Variants in BSG observed in about 807,000 individuals in gnomAD.
BSG encodes basigin (Ok blood group), also known as basigin.
Under a neutral mutation model 43.1 loss-of-function variants are expected in BSG, and 37 were observed. The ratio of observed to expected loss-of-function variants is 0.86; its 90% CI spans 0.66 to 1.13. BSG has a LOEUF of 1.13. BSG is among the 50% of genes most tolerant of loss of function. BSG has a pLI of 0.00. For synonymous variants in BSG, 309 were observed against 238.7 expected (o/e 1.29, Z -2.72); for missense variants, 599 against 554.2 (o/e 1.08, Z -0.81).
intron 3 of BSG, 24 bp downstream of exon 3, chr19:579,680 C>G: frequency 6.3e-7 from 1 of 1,585,034 alleles, no homozygotes; most frequent in East Asian, 2.2e-5. Context: ...CACGCCATGC[C>G]GCCACCTGCC....
upstream of BSG, chr19:572,340 G>GA: frequency 9.7e-7 from 1 of 1,026,858 alleles, no homozygotes; most frequent in Middle Eastern, 4.4e-4. Flanking sequence ...CAGGAAGGAA[G>GA]AAATGCGCAG....
rs566889863 is a variant in BSG, at chr19:580,373, T to C, written c.573-6T>C. On this transcript the variant is annotated splice_polypyrimidine_tract_variant and splice_region_variant and intron_variant, in intron 3 of 8. Coordinates refer to ENST00000333511, the MANE Select transcript of BSG (RefSeq NM_001728.4). ...TACGCGGCTCACCTGCCTGCTGTGG[T>C]TGCAGGGTGGACTCCGACGACCAGT... 2.4e-5 allele frequency: 39 copies of C among 1,610,122 alleles called. No individual in the cohort carries two copies. The East Asian group carries it at 8.5e-4, about 35-fold the overall frequency.
At chr19:573,250 C>T (rs1272995542) in intron 1 of BSG, among the ~76,000 whole-genome samples, 1 of 152,214 alleles carries the variant, frequency 6.6e-6, no homozygotes, top group Middle Eastern at 3.4e-3. Context: ...CTCCGCAGGA[C>T]CTGGGGAAAG....
chr19:576,893 G>A (rs770349423), intron 1 of BSG, among the ~76,000 whole-genome samples: 2 of 152,220 alleles, frequency 1.3e-5, no homozygotes, highest in African/African-American at 4.8e-5. Flanking sequence ...GCACTGCCAC[G>A]CAGCCTCGGA....
intron 2 of BSG, 105 bp downstream of exon 2, chr19:578,226 TC>T (rs1279983235): frequency 4.1e-6 from 5 of 1,205,538 alleles, no homozygotes; most frequent in Non-Finnish European, 5.6e-6. Flanking sequence ...CCCCTCTCCG[TC>T]CCGCTGTGCC....
intron 8 of BSG, 50 bp downstream of exon 8, chr19:582,632 C>A (rs558352034): frequency 3.2e-5 from 15 of 470,724 alleles, no homozygotes; most frequent in Admixed American, 1.2e-4. Flanking sequence ...GGTGGGTGGG[C>A]GGGAACTCCT....
chr19:572,555 C>T, upstream of BSG: 4 of 1,395,582 alleles, frequency 2.9e-6, no homozygotes, highest in Non-Finnish European at 9.4e-7. Flanking sequence ...GCCCGGTCCG[C>T]GCCTCCGCCG....
At chr19:571,760 A>T (rs1373304120), upstream of BSG, 13 of 637,892 alleles carry the variant, frequency 2.0e-5, no homozygotes, top group African/African-American at 3.6e-5. Context: ...AAAGGAAGGG[A>T]GCTTCTGTTC....
Position 578,270 on chromosome 19 carries a change from G to A in BSG, c.415+149G>A, listed in dbSNP as rs1020026569. ...GCCCACCGCCTGGACGGAGGGGCCC[G>A]GACCTGAAGGGGGTGGGCTCGCCGC... On this transcript the variant is annotated intron_variant, in intron 2 of 8. Coordinates refer to ENST00000333511, the MANE Select transcript of BSG (RefSeq NM_001728.4). 70 of 817,280 alleles carry A rather than the reference G, an allele frequency of 8.6e-5. No homozygotes were observed. The African/African-American group carries it at 9.1e-4, about 11-fold the overall frequency. 50.6% of individuals were successfully genotyped at this position (817,280 alleles called of 1,614,324 possible).
intron 1 of BSG, chr19:575,404 G>C (rs966197787): frequency 1.3e-5 from 2 of 152,178 alleles, no homozygotes; most frequent in African/African-American, 4.8e-5. Flanking sequence ...CCCAAGGTTG[G>C]CCGTCCGCGT....
At chr19:571,340 G>T, upstream of BSG, 1 of 597,872 alleles carries the variant, frequency 1.7e-6, no homozygotes, top group African/African-American at 1.9e-5. Flanking sequence ...CTTAGTCTGC[G>T]GTCCTCTTGC....
upstream of BSG, chr19:571,421 C>T: frequency 1.4e-6 from 1 of 721,250 alleles, no homozygotes; most frequent in Non-Finnish European, 2.5e-6. Context: ...TGTGTCGCCC[C>T]AATAGCGACT....
At chr19:582,477 C>CG in intron 7 of BSG, 37 bp from the exon 8 acceptor site, 1 of 1,603,048 alleles carries the variant, frequency 6.2e-7, no homozygotes, top group Middle Eastern at 1.7e-4. Flanking sequence ...GAGTGACTTG[C>CG]GGGGGACACC....
intron 1 of BSG, among the ~76,000 whole-genome samples, chr19:577,413 T>G (rs1485924673): frequency 6.6e-6 from 1 of 152,098 alleles, no homozygotes; most frequent in Non-Finnish European, 1.5e-5. Flanking sequence ...GGGGTCAGGG[T>G]ATCGGGCAGA....
chr19:575,167 G>C (rs894015192), intron 1 of BSG: 1 of 152,354 alleles, frequency 6.6e-6, no homozygotes, highest in African/African-American at 2.4e-5. Flanking sequence ...TGGCAGCGCC[G>C]CCGTGCAGCG....
At chr19:580,486 G>A (rs113650643) in intron 4 of BSG, 25 bp downstream of exon 4, 82 of 1,608,838 alleles carry the variant, frequency 5.1e-5, no homozygotes, top group Middle Eastern at 5.0e-4. Context: ...CAGGGGTACC[G>A]GGCACCACCG....
upstream of BSG, chr19:572,552 C>G: frequency 7.2e-7 from 1 of 1,387,330 alleles, no homozygotes; most frequent in East Asian, 3.1e-5. Flanking sequence ...CGCGCCCGGT[C>G]CGCGCCTCCG....
At chr19:580,217 C>A (rs539126301) in intron 3 of BSG, among the ~76,000 whole-genome samples, 162 bp from the exon 4 acceptor site, 1 of 152,302 alleles carries the variant, frequency 6.6e-6, no homozygotes, top group East Asian at 1.9e-4. Flanking sequence ...TGGCTCTGTC[C>A]TTGGGGCCGC....
At chr19:579,103 T>C in intron 2 of BSG, 1 of 463,452 alleles carries the variant, frequency 2.2e-6, no homozygotes, top group Non-Finnish European at 4.3e-6. Context: ...AAGAGCTCGA[T>C]GCCCTGGTCC....
Sources: allele counts gnomAD v4.1 joint callset (sites outside exome capture counted in the v4.1 genomes callset), GRCh38; gene constraint gnomAD v4.1.1; transcripts MANE v1.5; gene names NCBI Gene and HGNC (gene_info 2026-07-23, HGNC 2026-07-21).